The following SPTSSA variants were observed in gnomAD, a reference collection of about 807,000 sequenced individuals.
The protein encoded by SPTSSA is serine palmitoyltransferase small subunit A.
SPTSSA carries 8 observed loss-of-function variants against 9.1 expected under a neutral mutation model. The observed-to-expected ratio is 0.88, with a 90% CI of 0.51 to 1.58. The LOEUF (loss-of-function observed/expected upper bound fraction) is 1.58. Ranked by LOEUF, SPTSSA falls within the 40% of genes most tolerant of loss-of-function variation. The pLI is 0.00. For missense variants in SPTSSA, 100 were observed against 93.8 expected, an observed-to-expected ratio of 1.07 and a Z score of -0.27; for synonymous variants, 42 against 37.7, an observed-to-expected ratio of 1.11 and a Z score of -0.41.
chr14:34,440,377 C>T (rs10134725), intron 1 of SPTSSA, among the ~76,000 whole-genome samples: 13,692 of 152,140 alleles, frequency 0.09, 1,291 homozygotes, highest in African/African-American at 0.23. Flanking sequence ...CTTATAAATA[C>T]ATATACCAAA....
Position 34,462,013 on chromosome 14 carries a change from C to A in SPTSSA, c.112+83G>T, listed in dbSNP as rs1878628296. ...GCGGGGCCGCCGCTCCAGCCTCCACCCCAGGCCCGGGGCCTGGGGAAATGC... is the reference window on the plus strand; with the variant it reads ...GCGGGGCCGCCGCTCCAGCCTCCACACCAGGCCCGGGGCCTGGGGAAATGC... On this transcript the variant is annotated intron_variant, in intron 1 of 1. Transcript: ENST00000298130. 5.7e-6 allele frequency: 6 copies of A among 1,050,154 alleles called. 1 individual carries two copies. In the African/African-American group the frequency reaches 1.0e-4, roughly 18 times the overall value. 65.1% of individuals were successfully genotyped at this position (1,050,154 alleles called of 1,614,324 possible).
chr14:34,436,560 C>T (rs545355618), intron 1 of SPTSSA, among the ~76,000 whole-genome samples: 5 of 152,126 alleles, frequency 3.3e-5, no homozygotes, highest in Admixed American at 2.6e-4. Flanking sequence ...AACTTACATT[C>T]TTTTATGAGA....
chr14:34,440,883 C>CA (rs369501743), intron 1 of SPTSSA, among the ~76,000 whole-genome samples: 2,215 of 133,134 alleles, frequency 0.017, 25 homozygotes, highest in South Asian at 0.053. Context: ...ATCCATCTCA[C>CA]AAAAAAAAAA....
intron 1 of SPTSSA, among the ~76,000 whole-genome samples, chr14:34,460,700 A>G (rs2138838742): frequency 6.6e-6 from 1 of 152,326 alleles, no homozygotes; most frequent in African/African-American, 2.4e-5. Context: ...CAGTCAAGAT[A>G]TACTTGCTTC....
At chr14:34,449,000 A>C (rs946195494) in intron 1 of SPTSSA, among the ~76,000 whole-genome samples, 3 of 152,042 alleles carry the variant, frequency 2.0e-5, no homozygotes, top group African/African-American at 7.2e-5. Flanking sequence ...ACTCTATCTA[A>C]AAAGATAAAA....
In SPTSSA at chr14:34,434,029, T is replaced by A. The variant is rs1883200625; in HGVS notation, c.*1172A>T. On this transcript the variant is annotated 3_prime_UTR_variant, in exon 2 of 2. Coordinates refer to ENST00000298130, the MANE Select transcript of SPTSSA (RefSeq NM_138288.4). Reference sequence around the variant, plus strand: ...TTGCCTAATTCTTTTCAATTAGCAATATTTTTATGTTGCAAAACATATAGG... The same window carrying A: ...TTGCCTAATTCTTTTCAATTAGCAAAATTTTTATGTTGCAAAACATATAGG... 6.6e-6 allele frequency: 1 copy of A among 151,684 alleles called. No homozygotes were observed. The highest frequency in any genetic ancestry group is 2.4e-5 in the African/African-American group (1 of 41,266). 9.4% of individuals were successfully genotyped at this position (151,684 alleles called of 1,614,324 possible). A position where few individuals can be genotyped will look rare whatever the true frequency, so the allele number is the denominator to read the frequency against.
chr14:34,446,051 AG>A (rs1883413890), intron 1 of SPTSSA, among the ~76,000 whole-genome samples: 1 of 152,222 alleles, frequency 6.6e-6, no homozygotes, highest in Non-Finnish European at 1.5e-5. Context: ...CCCATGCAAG[AG>A]GGCTGATGTT....
intron 1 of SPTSSA, among the ~76,000 whole-genome samples, chr14:34,439,435 T>TCA (rs1883286446): frequency 6.6e-6 from 1 of 151,932 alleles, no homozygotes; most frequent in African/African-American, 2.4e-5. Context: ...CTCAGGAGTT[T>TCA]GAGACTAGTC....
chr14:34,437,920 C>T (rs555166105), intron 1 of SPTSSA, among the ~76,000 whole-genome samples: 93 of 152,286 alleles, frequency 6.1e-4, no homozygotes, highest in African/African-American at 2.2e-3. Context: ...CCCACCACAG[C>T]CTTCCAAGTA....
At chr14:34,444,953 G>A (rs1883394960) in intron 1 of SPTSSA, among the ~76,000 whole-genome samples, 1 of 151,766 alleles carries the variant, frequency 6.6e-6, no homozygotes, top group Admixed American at 6.6e-5. Flanking sequence ...TTAGCCAGGC[G>A]TGGTGGTGGG....
chr14:34,449,841 A>G (rs1883488543), intron 1 of SPTSSA, among the ~76,000 whole-genome samples: 1 of 152,212 alleles, frequency 6.6e-6, no homozygotes, highest in African/African-American at 2.4e-5. Flanking sequence ...AAGTGCTCTC[A>G]CAAAGCTAAA....
At chr14:34,443,211 G>A (rs1374183216) in intron 1 of SPTSSA, among the ~76,000 whole-genome samples, 2 of 87,016 alleles carry the variant, frequency 2.3e-5, no homozygotes, top group African/African-American at 5.9e-5. Flanking sequence ...GTGTGTGTGT[G>A]TGTGTGTGTG....
At position 34,434,158 on chromosome 14, in the gene SPTSSA, C is replaced by T. The variant is rs1356783191; in HGVS notation, c.*1043G>A. ...TCAAGGAAAAGATATACTGCTACAT[C>T]AGCTGATTTTTTTTCTCTTTGAATT... On this transcript the variant is annotated 3_prime_UTR_variant, in exon 2 of 2. Coordinates refer to ENST00000298130, the MANE Select transcript of SPTSSA (RefSeq NM_138288.4). The T allele has an allele frequency of 6.6e-6, 1 of 151,578 alleles. No individual in the cohort carries two copies. Among genetic ancestry groups the T allele is most frequent in the East Asian group, 1.9e-4 (1 of 5,178 alleles). 9.4% of individuals were successfully genotyped at this position (151,578 alleles called of 1,614,324 possible).
intron 1 of SPTSSA, among the ~76,000 whole-genome samples, chr14:34,450,432 T>C (rs950717797): frequency 3.9e-5 from 6 of 152,194 alleles, no homozygotes; most frequent in African/African-American, 1.4e-4. Flanking sequence ...AGAAAAAATG[T>C]AAAAATTAAT....
intron 1 of SPTSSA, among the ~76,000 whole-genome samples, chr14:34,453,509 G>A (rs1303771683): frequency 6.6e-6 from 1 of 152,200 alleles, no homozygotes; most frequent in Non-Finnish European, 1.5e-5. Context: ...CTTTGTCCAT[G>A]CTTTGTTCAT....
chr14:34,439,795 A>G (rs1883291088), intron 1 of SPTSSA, among the ~76,000 whole-genome samples: 1 of 152,202 alleles, frequency 6.6e-6, no homozygotes, highest in South Asian at 2.1e-4. Context: ...CTCCCCAACA[A>G]ACTACAGGGG....
intron 1 of SPTSSA, among the ~76,000 whole-genome samples, chr14:34,454,154 C>T (rs1566426156): frequency 6.6e-6 from 1 of 152,102 alleles, no homozygotes; most frequent in Non-Finnish European, 1.5e-5. Context: ...CACTGAACTC[C>T]AGCCTGGGCA....
intron 1 of SPTSSA, among the ~76,000 whole-genome samples, chr14:34,445,033 TAAGCCAAG>T (rs1317283533): frequency 3.3e-5 from 5 of 151,670 alleles, no homozygotes; most frequent in Admixed American, 6.6e-5. Context: ...GAGGTTGCAG[TAAGCCAAG>T]ATCACACCGT....
chr14:34,461,653 T>C (rs1878616746), intron 1 of SPTSSA, among the ~76,000 whole-genome samples: 1 of 152,222 alleles, frequency 6.6e-6, no homozygotes, highest in South Asian at 2.1e-4. Flanking sequence ...GAATTCTTGG[T>C]AGACCCAAAG....
Sources: gnomAD v4.1 joint callset for allele counts (sites outside exome capture counted in the v4.1 genomes callset) on GRCh38, gnomAD v4.1.1 for gene constraint, MANE v1.5 for transcripts, NCBI Gene and HGNC (gene_info 2026-07-23, HGNC 2026-07-21) for gene names.